CEACAM3: variants seen among roughly 807,000 people sequenced by gnomAD.
The protein encoded by CEACAM3 is cell adhesion molecule CEACAM3.
Under a neutral mutation model 30.1 loss-of-function variants are expected in CEACAM3, and 32 were observed. The observed-to-expected ratio is 1.06, with a 90% CI of 0.80 to 1.43. CEACAM3 has a LOEUF of 1.43. Ranked by LOEUF, CEACAM3 falls within the 40% of genes most tolerant of loss-of-function variation. The probability of loss-of-function intolerance (pLI) is 0.00; values close to 1 mark genes in which losing one functional copy is unlikely to be tolerated. For synonymous variants in CEACAM3, 134 were observed against 127.2 expected, an observed-to-expected ratio of 1.05 and a Z score of -0.36; for missense variants, 290 against 316.3, an observed-to-expected ratio of 0.92 and a Z score of 0.63.
At chr19:41,805,500 G>A (rs1454320594) in intron 2 of CEACAM3, among the ~76,000 whole-genome samples, 1 of 151,908 alleles carries the variant, frequency 6.6e-6, no homozygotes, top group East Asian at 1.9e-4. Flanking sequence ...TGTTGGCCAG[G>A]CTGGTCTGGA....
At chr19:41,805,477 C>T (rs556009534) in intron 2 of CEACAM3, among the ~76,000 whole-genome samples, 1 of 151,712 alleles carries the variant, frequency 6.6e-6, no homozygotes, top group African/African-American at 2.4e-5. Flanking sequence ...TTAGTAGAGA[C>T]GGGGTTTCAC....
intron 2 of CEACAM3, chr19:41,807,630 G>A (rs1555826990): frequency 8.3e-7 from 1 of 1,198,520 alleles, no homozygotes; most frequent in Non-Finnish European, 1.1e-6. Context: ...GAATATCTCA[G>A]ACCCAGACTC....
At chr19:41,800,032 C>T (rs782718864) in intron 2 of CEACAM3, among the ~76,000 whole-genome samples, 140 of 152,110 alleles carry the variant, frequency 9.2e-4, no homozygotes, top group Non-Finnish European at 1.7e-3. Context: ...ACCAAGGACA[C>T]GAGCTGTTCC....
At chr19:41,800,508 G>A (rs1410637835) in intron 2 of CEACAM3, among the ~76,000 whole-genome samples, 8 of 152,118 alleles carry the variant, frequency 5.3e-5, no homozygotes, top group South Asian at 2.1e-4. Flanking sequence ...GCAGTTATCC[G>A]GAGGCCTAAC....
intron 2 of CEACAM3, among the ~76,000 whole-genome samples, chr19:41,802,988 C>T (rs1555826178): frequency 6.6e-6 from 1 of 152,166 alleles, no homozygotes; most frequent in African/African-American, 2.4e-5. Context: ...TCACTGAACA[C>T]CTGCTCACCC....
At chr19:41,810,187 G>C (rs890174054) in intron 4 of CEACAM3, 136 bp from the exon 5 acceptor site, 3 of 1,316,110 alleles carry the variant, frequency 2.3e-6, no homozygotes, top group Non-Finnish European at 3.2e-6. Context: ...GCCCTCACCT[G>C]TGGGCTCTGG....
In CEACAM3 at chr19:41,797,623, T is replaced by C; in HGVS notation, c.99T>C (p.Thr33=). The C allele has an allele frequency of 1.2e-6, 2 of 1,614,108 alleles. No individual in the cohort carries two copies. Among genetic ancestry groups the C allele is most frequent in the African/African-American group, 1.3e-5 (1 of 75,036 alleles). ...TAAACTTCTGGAACCCGCCCACCAC[T>C]GCCAAGCTCACTATTGAATCCATGC... ...SLLNFWNPPT[T]AKLTIESMPL... The change falls in exon 2 of 7, where the codon ACT becomes ACC. Residue 33 remains threonine, a synonymous_variant. Transcript: ENST00000357396.
Position 41,796,667 on chromosome 19 carries a change from C to A in CEACAM3, c.-11C>A. The A allele has an allele frequency of 6.2e-7, 1 of 1,614,118 alleles. No individual in the cohort carries two copies. Among genetic ancestry groups the A allele is most frequent in the South Asian group, 1.1e-5 (1 of 91,090 alleles). ...TTTCCACAGAGGAGGAAAGAGCAGG[C>A]AGCAGAGACCATGGGGCCCCCCTCA... On this transcript the variant is annotated 5_prime_UTR_variant, in exon 1 of 7. Transcript: ENST00000357396.
intron 2 of CEACAM3, among the ~76,000 whole-genome samples, chr19:41,798,339 G>A (rs573127658): frequency 6.6e-6 from 1 of 152,284 alleles, no homozygotes; most frequent in East Asian, 1.9e-4. Flanking sequence ...CTGAGCCCCT[G>A]TGCAAATCCC....
intron 5 of CEACAM3, 50 bp downstream of exon 5, chr19:41,810,404 G>A (rs2073239815): frequency 3.2e-6 from 5 of 1,559,528 alleles, no homozygotes; most frequent in African/African-American, 2.7e-5. Flanking sequence ...CAGCTGTGCA[G>A]GCTCTGGGCA....
chr19:41,810,192 C>A, intron 4 of CEACAM3, 131 bp from the exon 5 acceptor site: 2 of 1,334,926 alleles, frequency 1.5e-6, no homozygotes, highest in South Asian at 1.2e-5. Flanking sequence ...CACCTGTGGG[C>A]TCTGGGTCAT....
intron 2 of CEACAM3, among the ~76,000 whole-genome samples, chr19:41,801,248 C>T (rs568008749): frequency 4.9e-4 from 75 of 152,258 alleles, no homozygotes; most frequent in Middle Eastern, 3.4e-3. Context: ...GGCCCACCTC[C>T]GGGGCAATAA....
In CEACAM3 at chr19:41,797,414, A is replaced by G. The variant is rs564095742; in HGVS notation, c.65-175A>G. ...GGGGAAGGGGATTCCACACAGGAAA[A>G]TGCCAAGGTTAGAGGTGCTGAAGAA... On this transcript the variant is annotated intron_variant, in intron 1 of 6. Coordinates refer to ENST00000357396, the MANE Select transcript of CEACAM3 (RefSeq NM_001815.5). 5.0e-6 allele frequency: 4 copies of G among 797,464 alleles called. No individual in the cohort carries two copies. The African/African-American group carries it at 6.9e-5, about 14-fold the overall frequency. 49.4% of individuals were successfully genotyped at this position (797,464 alleles called of 1,614,324 possible). A position where few individuals can be genotyped will look rare whatever the true frequency, so the allele number is the denominator to read the frequency against.
rs1179170032 is a variant in CEACAM3 at position 41,803,470 on chromosome 19, GT to G, written c.425-5329del. The stretch of plus-strand genomic sequence containing the variant: ...TGTGTGTGTGTGTGTTGTTTTGTTT[GT>G]TTTTTTTTTTTTTGAGACAGAGTCT... On this transcript the variant is annotated intron_variant, in intron 2 of 6. Transcript: ENST00000357396. 6.6e-3 allele frequency among the ~76,000 whole-genome samples: 864 copies of G among 130,622 alleles called. 5 individuals are homozygous for G. Among genetic ancestry groups the G allele is most frequent in the East Asian group, 0.018 (80 of 4,406 alleles). 85.7% of individuals were successfully genotyped at this position (130,622 alleles called of 152,430 possible). A position where few individuals can be genotyped will look rare whatever the true frequency, so the allele number is the denominator to read the frequency against.
intron 2 of CEACAM3, among the ~76,000 whole-genome samples, chr19:41,806,905 T>G (rs1341091954): frequency 3.9e-5 from 6 of 152,118 alleles, no homozygotes; most frequent in Non-Finnish European, 7.4e-5. Flanking sequence ...GCCAGGATGG[T>G]CTCGATCTCG....
intron 1 of CEACAM3, 110 bp from the exon 2 acceptor site, chr19:41,797,479 C>T (rs2073110704): frequency 2.1e-6 from 3 of 1,396,248 alleles, no homozygotes; most frequent in Non-Finnish European, 2.9e-6. Context: ...GTGGGACACA[C>T]ATACACTCTC....
At chr19:41,806,881 G>A (rs1265894678) in intron 2 of CEACAM3, among the ~76,000 whole-genome samples, 5 of 152,038 alleles carry the variant, frequency 3.3e-5, no homozygotes, top group Admixed American at 1.3e-4. Context: ...TAGAGACGGG[G>A]TTTCACCGTG....
chr19:41,809,079 C>T (rs189277694), intron 3 of CEACAM3, 149 bp downstream of exon 3: 4 of 611,790 alleles, frequency 6.5e-6, no homozygotes, highest in Admixed American at 2.8e-5. Context: ...GCTCCTCCCT[C>T]GTCAGCTCCT....
At chr19:41,805,114 A>G (rs1272433134) in intron 2 of CEACAM3, among the ~76,000 whole-genome samples, 1 of 151,856 alleles carries the variant, frequency 6.6e-6, no homozygotes, top group Admixed American at 6.6e-5. Context: ...AATCCAAAAC[A>G]CTTTTGCTCT....
Sources: allele counts gnomAD v4.1 joint callset (sites outside exome capture counted in the v4.1 genomes callset), GRCh38; gene constraint gnomAD v4.1.1; transcripts MANE v1.5; gene names NCBI Gene and HGNC (gene_info 2026-07-23, HGNC 2026-07-21).